SENP6: variants seen among roughly 807,000 people sequenced by gnomAD.
SENP6 encodes the protein sentrin-specific protease 6.
SENP6 carries 41 observed loss-of-function variants against 134.5 expected under a neutral mutation model. The ratio of observed to expected loss-of-function variants is 0.30; its 90% CI spans 0.24 to 0.40. The LOEUF (loss-of-function observed/expected upper bound fraction) is 0.40. Among genes scored for constraint, SENP6 ranks in the 10% least tolerant of loss-of-function variants. SENP6 has a pLI of 1.00. For missense variants in SENP6, 1,248 were observed against 1,312.5 expected (o/e 0.95, Z 0.76); for synonymous variants, 395 against 429.8 (o/e 0.92, Z 1.00).
intron 1 of SENP6, among the ~76,000 whole-genome samples, chr6:75,614,416 C>T (rs182990595): frequency 1.1e-3 from 168 of 152,144 alleles, no homozygotes; most frequent in African/African-American, 3.8e-3. Context: ...CAGGTGTGCA[C>T]CACCACGCCA....
intron 21 of SENP6, 100 bp downstream of exon 21, chr6:75,711,516 C>T (rs2149907410): frequency 6.1e-6 from 4 of 658,050 alleles, no homozygotes; most frequent in African/African-American, 1.8e-5. Flanking sequence ...TTAAGCAAAA[C>T]TCATAAATGC....
chr6:75,676,087 T>C lies in SENP6; in HGVS notation c.1621+33T>C, dbSNP rs760695416. On this transcript the variant is annotated intron_variant, in intron 13 of 23. Coordinates refer to ENST00000447266, the MANE Select transcript of SENP6 (RefSeq NM_015571.4). ...GTGTAAAACAGATTATAATAGATAA[T>C]AATAGATACTGTATTTACAATATCT... The C allele has an allele frequency of 1.2e-5, 17 of 1,398,580 alleles. No individual in the cohort carries two copies. The South Asian group carries it at 1.7e-4, about 14-fold the overall frequency. 86.6% of individuals were successfully genotyped at this position (1,398,580 alleles called of 1,614,324 possible).
At chr6:75,609,241 T>C (rs1220659669) in intron 1 of SENP6, among the ~76,000 whole-genome samples, 1 of 152,184 alleles carries the variant, frequency 6.6e-6, no homozygotes, top group Non-Finnish European at 1.5e-5. Flanking sequence ...ATTCTTACTC[T>C]TACCTCTTTT....
chr6:75,662,911 A>G (rs889873772), intron 8 of SENP6, among the ~76,000 whole-genome samples: 1 of 152,122 alleles, frequency 6.6e-6, no homozygotes, highest in Non-Finnish European at 1.5e-5. Flanking sequence ...TGGAGACAGA[A>G]TTATTTTATA....
At chr6:75,643,062 G>A (rs942786610) in intron 6 of SENP6, among the ~76,000 whole-genome samples, 2 of 152,164 alleles carry the variant, frequency 1.3e-5, no homozygotes, top group East Asian at 1.9e-4. Context: ...ACTGTAATAA[G>A]CATTGAGAGG....
intron 9 of SENP6, among the ~76,000 whole-genome samples, chr6:75,663,962 G>T (rs1771988392): frequency 6.6e-6 from 1 of 152,014 alleles, no homozygotes; most frequent in South Asian, 2.1e-4. Flanking sequence ...TGCAGTCCTT[G>T]TTTATAATAA....
chr6:75,681,259 T>C (rs529890612), intron 16 of SENP6, among the ~76,000 whole-genome samples: 1 of 152,154 alleles, frequency 6.6e-6, no homozygotes, highest in South Asian at 2.1e-4. Flanking sequence ...CAAGTTCTGG[T>C]TGTTTATAAA....
rs911745516 is a variant in SENP6, at chr6:75,602,315, G to A, written c.-210G>A. 1.3e-5 allele frequency: 6 copies of A among 467,168 alleles called. No individual in the cohort carries two copies. Among genetic ancestry groups the A allele is most frequent in the Middle Eastern group, 5.5e-4 (1 of 1,802 alleles). The allele number at this position is 467,168 out of a possible 1,614,324, so 28.9% of individuals were successfully genotyped here. A position where few individuals can be genotyped will look rare whatever the true frequency, so the allele number is the denominator to read the frequency against. ...CTGAGAAGCTCGGGCCGCGGGCCTC[G>A]CTGCCCGCCAGCCCGCGGACAGGCC... On this transcript the variant is annotated 5_prime_UTR_variant, in exon 1 of 24. Transcript: ENST00000447266.
rs114770489 is a variant in SENP6, at chr6:75,674,762, T to C, written c.1393-673T>C. ...AGTAATTGCTAAATTTATTTTATAT[T>C]TGCTTTCTCTTTTTATATTATAAAA... On this transcript the variant is annotated intron_variant, in intron 11 of 23. Transcript: ENST00000447266. Among the ~76,000 whole-genome samples the C allele has an allele frequency of 7.1e-3, 1,086 of 152,330 alleles. 15 individuals are homozygous for C. Among genetic ancestry groups the C allele is most frequent in the African/African-American group, 0.024 (991 of 41,556 alleles).
chr6:75,702,862 G>A lies in SENP6; in HGVS notation c.2506G>A (p.Val836Ile). ...KMLNKKHCIA[V>I]IDSNPGQEES... Reference sequence around the variant, plus strand: ...GCTAAACAAAAAACATTGCATAGCTGTAATTGATTCCAATCCTGGGCAGGA... The same window carrying A: ...GCTAAACAAAAAACATTGCATAGCTATAATTGATTCCAATCCTGGGCAGGA... The change falls in exon 19 of 24, where the codon GTA (valine) becomes ATA (isoleucine). Residue 836 changes from valine to isoleucine, a missense_variant. By Grantham distance (29) the Val-to-Ile change is conservative (BLOSUM62 3). Coordinates refer to ENST00000447266, the MANE Select transcript of SENP6 (RefSeq NM_015571.4). 6.2e-7 allele frequency: 1 copy of A among 1,614,104 alleles called. No individual in the cohort carries two copies. Among genetic ancestry groups the A allele is most frequent in the Middle Eastern group, 1.7e-4 (1 of 6,060 alleles).
At chr6:75,680,789 C>T (rs140651530) in intron 16 of SENP6, among the ~76,000 whole-genome samples, 5 of 152,242 alleles carry the variant, frequency 3.3e-5, no homozygotes, top group African/African-American at 1.2e-4. Flanking sequence ...TAACAGGGAG[C>T]TCTCTGGTAT....
intron 1 of SENP6, among the ~76,000 whole-genome samples, chr6:75,618,655 A>G (rs1032140303): frequency 3.9e-5 from 6 of 152,306 alleles, no homozygotes; most frequent in African/African-American, 1.4e-4. Context: ...CTAGCTCTCT[A>G]TACTAACCCG....
chr6:75,659,888 A>G (rs1477491476), intron 8 of SENP6, among the ~76,000 whole-genome samples: 1 of 152,118 alleles, frequency 6.6e-6, no homozygotes, highest in Non-Finnish European at 1.5e-5. Flanking sequence ...ATATTTAAGT[A>G]TGTGTGTTTT....
chr6:75,644,418 A>G (rs1770269705), intron 6 of SENP6, among the ~76,000 whole-genome samples: 1 of 151,900 alleles, frequency 6.6e-6, no homozygotes, highest in Non-Finnish European at 1.5e-5. Flanking sequence ...TGTATCCTAG[A>G]TTGGATCCTG....
intron 16 of SENP6, among the ~76,000 whole-genome samples, chr6:75,688,258 A>G (rs972205862): frequency 1.3e-5 from 2 of 152,190 alleles, no homozygotes; most frequent in Admixed American, 1.3e-4. Context: ...GGAAAAGCAC[A>G]GTATTTGGGC....
intron 13 of SENP6, 35 bp downstream of exon 13, chr6:75,676,089 A>G (rs188602177): frequency 4.0e-5 from 56 of 1,394,144 alleles, no homozygotes; most frequent in Admixed American, 2.5e-4. Context: ...ATAGATAATA[A>G]TAGATACTGT....
Position 75,717,065 on chromosome 6 carries a change from C to A in SENP6, c.*1471C>A, listed in dbSNP as rs1478642528. 1 of 151,878 alleles carries A rather than the reference C, an allele frequency of 6.6e-6. No individual in the cohort carries two copies. The highest frequency in any genetic ancestry group is 2.4e-5 in the African/African-American group (1 of 41,416). 9.4% of individuals were successfully genotyped at this position (151,878 alleles called of 1,614,324 possible). On this transcript the variant is annotated 3_prime_UTR_variant, in exon 24 of 24. Coordinates refer to ENST00000447266, the MANE Select transcript of SENP6 (RefSeq NM_015571.4). The stretch of plus-strand genomic sequence containing the variant: ...TAGTGATATCAACTGTAGTTTGTTA[C>A]TTTGAACTATATTTCTGATTAACTC...
intron 3 of SENP6, among the ~76,000 whole-genome samples, chr6:75,628,075 ATTTAT>A (rs1182079344): frequency 1.3e-5 from 2 of 152,182 alleles, no homozygotes; most frequent in Non-Finnish European, 2.9e-5. Flanking sequence ...GGACACATTG[ATTTAT>A]TTAGTGAACT....
At chr6:75,643,469 C>G (rs1426255523) in intron 6 of SENP6, among the ~76,000 whole-genome samples, 1 of 152,190 alleles carries the variant, frequency 6.6e-6, no homozygotes, top group African/African-American at 2.4e-5. Flanking sequence ...GTAATAGGCA[C>G]AGTTTATGGG....
Sources: allele counts gnomAD v4.1 joint callset (sites outside exome capture counted in the v4.1 genomes callset), GRCh38; gene constraint gnomAD v4.1.1; transcripts MANE v1.5; gene names NCBI Gene and HGNC (gene_info 2026-07-23, HGNC 2026-07-21).